DCAF6: variants seen among roughly 807,000 people sequenced by gnomAD.
DCAF6 encodes DDB1- and CUL4-associated factor 6.
In DCAF6, 54 loss-of-function variants were observed where a neutral mutation model predicts 125.1. The observed-to-expected ratio is 0.43, with a 90% CI of 0.35 to 0.54. The LOEUF is 0.54. DCAF6 is among the 20% of genes least tolerant of loss of function. DCAF6 has a pLI of 0.01. For missense variants in DCAF6, 934 were observed against 1,161.7 expected (o/e 0.80, Z 2.85); for synonymous variants, 371 against 390.4 (o/e 0.95, Z 0.58).
chr1:167,879,192 G>C, the DCAF6 span, among the ~76,000 whole-genome samples: 4 of 152,130 alleles, frequency 2.6e-5, no homozygotes, highest in African/African-American at 9.7e-5. Context: ...CAAACTACTT[G>C]GGACAATTAC....
chr1:167,920,524 C>T, the DCAF6 span: 1 of 1,606,840 alleles, frequency 6.2e-7, no homozygotes. Flanking sequence ...ACAAGAAACA[C>T]AGAAGATATT....
the DCAF6 span, chr1:167,896,805 C>G: frequency 4.1e-6 from 3 of 737,634 alleles, no homozygotes; most frequent in Admixed American, 6.4e-5. Context: ...GATTGGCACA[C>G]TTAAACACCA....
Position 168,003,051 on chromosome 1 carries a change from A to G in DCAF6, c.997+476A>G, listed in dbSNP as rs1047642784. Among the ~76,000 whole-genome samples, 11 of 152,242 alleles carry G rather than the reference A, an allele frequency of 7.2e-5. No individual in the cohort carries two copies. In the South Asian group the frequency reaches 1.0e-3, roughly 14 times the overall value. On this transcript the variant is annotated intron_variant, in intron 8 of 21. Coordinates refer to ENST00000367840, the MANE Select transcript of DCAF6 (RefSeq NM_001198956.2). ...GAATTAATCTATGAATTATAATTCT[A>G]TATTATTATGTTTTATTAAATTGGT... is the stretch of plus-strand genomic sequence containing the variant.
chr1:168,009,345 C>CCCTCCCTTCCTT (rs1439621905), intron 10 of DCAF6, among the ~76,000 whole-genome samples: 1 of 127,946 alleles, frequency 7.8e-6, no homozygotes, highest in Non-Finnish European at 1.6e-5. Context: ...CTTCCTTCCT[C>CCCTCCCTTCCTT]CCTTCCTTCC....
chr1:167,940,789 A>G (rs1672122538), intron 1 of DCAF6, among the ~76,000 whole-genome samples: 1 of 151,256 alleles, frequency 6.6e-6, no homozygotes, highest in Non-Finnish European at 1.5e-5. Flanking sequence ...CTTCTAAATT[A>G]AAAGATAGTA....
chr1:168,004,429 T>G, intron 9 of DCAF6, 104 bp from the exon 10 acceptor site: 1 of 1,228,928 alleles, frequency 8.1e-7, no homozygotes, highest in Non-Finnish European at 1.2e-6. Context: ...AAATTATATA[T>G]TTGTGTGTGT....
chr1:167,904,253 CGTTTTT>C, the DCAF6 span, among the ~76,000 whole-genome samples: 6 of 152,016 alleles, frequency 3.9e-5, no homozygotes, highest in East Asian at 1.2e-3. Flanking sequence ...ATGCCAGGCT[CGTTTTT>C]GTATTTTTAG....
At chr1:167,928,209 G>A in the DCAF6 span, among the ~76,000 whole-genome samples, 5 of 151,882 alleles carry the variant, frequency 3.3e-5, no homozygotes, top group Admixed American at 1.3e-4. Context: ...TTAGCTGCGC[G>A]TGGTGGCAGG....
At chr1:167,876,320 A>G in the DCAF6 span, among the ~76,000 whole-genome samples, 1 of 152,100 alleles carries the variant, frequency 6.6e-6, no homozygotes, top group Non-Finnish European at 1.5e-5. Flanking sequence ...ATTCAGGCAC[A>G]AAGAGTTTAA....
At chr1:167,895,400 A>G in the DCAF6 span, among the ~76,000 whole-genome samples, 1 of 152,014 alleles carries the variant, frequency 6.6e-6, no homozygotes, top group Admixed American at 6.6e-5. Flanking sequence ...TCCCCACCCC[A>G]CTGCCTATTG....
At chr1:168,073,273 C>T (rs1693370066) in intron 21 of DCAF6, among the ~76,000 whole-genome samples, 1 of 152,224 alleles carries the variant, frequency 6.6e-6, no homozygotes, top group Non-Finnish European at 1.5e-5. Context: ...ACCTCCTTGT[C>T]TATAATTGCC....
At chr1:167,867,300 C>G in the DCAF6 span, among the ~76,000 whole-genome samples, 1 of 152,118 alleles carries the variant, frequency 6.6e-6, no homozygotes, top group Non-Finnish European at 1.5e-5. Context: ...CAGTCACACC[C>G]GGAAGCTGAC....
intron 4 of DCAF6, 103 bp downstream of exon 4, chr1:167,975,118 GT>G: frequency 1.6e-6 from 1 of 612,224 alleles, no homozygotes; most frequent in Non-Finnish European, 2.5e-6. Flanking sequence ...AGATGTGTGT[GT>G]ATGCACATTT....
chr1:167,864,763 C>T, the DCAF6 span, among the ~76,000 whole-genome samples: 4 of 152,092 alleles, frequency 2.6e-5, no homozygotes, highest in Non-Finnish European at 5.9e-5. Flanking sequence ...CACTCTAATA[C>T]CACTTTGTTG....
chr1:167,901,158 A>G, the DCAF6 span, among the ~76,000 whole-genome samples: 2 of 152,210 alleles, frequency 1.3e-5, no homozygotes, highest in African/African-American at 4.8e-5. Flanking sequence ...TGTGACTATT[A>G]CTATATTATA....
intron 7 of DCAF6, among the ~76,000 whole-genome samples, chr1:167,996,117 A>G (rs989483476): frequency 6.6e-6 from 1 of 152,050 alleles, no homozygotes; most frequent in African/African-American, 2.4e-5. Flanking sequence ...TTTCCATAAT[A>G]TTTTTGTATT....
the DCAF6 span, chr1:167,914,183 G>C: frequency 1.3e-5 from 2 of 152,282 alleles, no homozygotes; most frequent in African/African-American, 2.4e-5. Flanking sequence ...ATTGTTCCAC[G>C]GGCACCGACC....
At position 167,966,766 on chromosome 1, in the gene DCAF6, T is replaced by C. The variant is rs367709208; in HGVS notation, c.252+45T>C. The C allele has an allele frequency of 1.4e-5, 16 of 1,172,672 alleles. No individual in the cohort carries two copies. The East Asian group carries it at 3.5e-4, about 26-fold the overall frequency. The allele number at this position is 1,172,672 out of a possible 1,614,324, so 72.6% of individuals were successfully genotyped here. A position where few individuals can be genotyped will look rare whatever the true frequency, so the allele number is the denominator to read the frequency against. On this transcript the variant is annotated intron_variant, in intron 3 of 21. Coordinates refer to ENST00000367840, the MANE Select transcript of DCAF6 (RefSeq NM_001198956.2). ...CTGTAATTTAATGAGAGAAAAAAAA[T>C]CAAGAAGGCAGAAATGAAGAAACTG...
chr1:168,049,242 CATTTT>C (rs888774867), intron 16 of DCAF6, among the ~76,000 whole-genome samples: 1 of 151,794 alleles, frequency 6.6e-6, no homozygotes, highest in Non-Finnish European at 1.5e-5. Context: ...GTATTTATTT[CATTTT>C]GTTTTATTTT....
Sources: gnomAD v4.1 joint callset for allele counts (sites outside exome capture counted in the v4.1 genomes callset) on GRCh38, gnomAD v4.1.1 for gene constraint, MANE v1.5 for transcripts, NCBI Gene and HGNC (gene_info 2026-07-23, HGNC 2026-07-21) for gene names.